SYT1: variants seen among roughly 807,000 people sequenced by gnomAD.
SYT1 encodes the protein synaptotagmin 1.
In SYT1, 8 loss-of-function variants were observed where a neutral mutation model predicts 44.8. That is an observed-to-expected ratio of 0.18 (90% CI 0.10 to 0.32). SYT1 has a LOEUF of 0.32. Ranked by LOEUF, SYT1 falls within the 10% of genes least tolerant of loss-of-function variation. The pLI is 1.00. For synonymous variants in SYT1, 154 were observed against 188.8 expected (o/e 0.82, Z 1.51); for missense variants, 286 against 509.3 (o/e 0.56, Z 4.22).
intron 1 of SYT1, among the ~76,000 whole-genome samples, chr12:78,911,948 A>C (rs936313085): frequency 6.6e-6 from 1 of 152,012 alleles, no homozygotes; most frequent in Non-Finnish European, 1.5e-5. Flanking sequence ...AATTTGTATT[A>C]ATAGAATCAT....
At chr12:79,383,474 G>C (rs1219453389) in intron 9 of SYT1, among the ~76,000 whole-genome samples, 1 of 152,080 alleles carries the variant, frequency 6.6e-6, no homozygotes, top group Non-Finnish European at 1.5e-5. Flanking sequence ...GGCAAAATAA[G>C]TTTATATAGT....
At chr12:79,230,867 T>G (rs1454243124) in intron 4 of SYT1, among the ~76,000 whole-genome samples, 1 of 152,226 alleles carries the variant, frequency 6.6e-6, no homozygotes, top group Non-Finnish European at 1.5e-5. Flanking sequence ...ATGAGGGGCT[T>G]GAACAAGATT....
chr12:79,023,032 T>C (rs1872297486), intron 2 of SYT1, among the ~76,000 whole-genome samples: 1 of 151,832 alleles, frequency 6.6e-6, no homozygotes. Context: ...TCATGAGTTA[T>C]GAATTGTCAC....
chr12:78,982,937 T>C (rs10506800), intron 2 of SYT1, among the ~76,000 whole-genome samples: 13,439 of 152,162 alleles, frequency 0.088, 762 homozygotes, highest in African/African-American at 0.15. Context: ...TCTTCAAACC[T>C]TCTTGTACAG....
In SYT1 at chr12:79,109,599, G is replaced by T. The variant is rs370675197; in HGVS notation, c.-18+62237G>T. 1.2e-4 allele frequency among the ~76,000 whole-genome samples: 19 copies of T among 152,248 alleles called. No homozygotes were observed. The South Asian group carries it at 3.9e-3, about 32-fold the overall frequency. ...CCCAAATGATGTACTATATGTGAAC[G>T]CACCCTGAATAGCAAATTCTATAAA... On this transcript the variant is annotated intron_variant, in intron 3 of 10. Coordinates refer to ENST00000261205, the MANE Select transcript of SYT1 (RefSeq NM_005639.3).
intron 3 of SYT1, among the ~76,000 whole-genome samples, chr12:79,167,481 T>C (rs935974166): frequency 2.0e-5 from 3 of 151,986 alleles, no homozygotes; most frequent in Admixed American, 1.3e-4. Flanking sequence ...ATGTAAATGT[T>C]TACTTCTATT....
intron 3 of SYT1, among the ~76,000 whole-genome samples, chr12:79,164,254 A>G (rs1173737006): frequency 3.3e-5 from 5 of 152,182 alleles, no homozygotes; most frequent in Admixed American, 1.3e-4. Flanking sequence ...ACTGCGGAGG[A>G]CCACTTAGCT....
chr12:79,357,170 A>G lies in SYT1; in HGVS notation c.928+3551A>G, dbSNP rs182542748. Among the ~76,000 whole-genome samples the G allele has an allele frequency of 3.1e-3, 470 of 152,356 alleles. 2 individuals carry two copies. The highest frequency in any genetic ancestry group is 0.011 in the African/African-American group (445 of 41,582). On this transcript the variant is annotated intron_variant, in intron 9 of 10. Transcript: ENST00000261205. ...AGTATTCATTCAAAATGCATTGCAC[A>G]AAGATTTGGCCTCTATTGTATATCC... is the stretch of plus-strand genomic sequence containing the variant.
In SYT1 at chr12:79,314,168, CAAAAAA is replaced by C. The variant is rs34951756; in HGVS notation, c.810+14637_810+14642del. ...TGGGCGACAGAGCGAGACTCCGTCT[CAAAAAA>C]AAAAAAAAAAAAAAAAAAATTAGCG... On this transcript the variant is annotated intron_variant, in intron 8 of 10. Coordinates refer to ENST00000261205, the MANE Select transcript of SYT1 (RefSeq NM_005639.3). Among the ~76,000 whole-genome samples the C allele has an allele frequency of 7.0e-3, 470 of 67,292 alleles. 2 individuals carry two copies. Among genetic ancestry groups the C allele is most frequent in the African/African-American group, 0.028 (448 of 15,918 alleles). The allele number at this position is 67,292 out of a possible 152,430, so 44.1% of individuals were successfully genotyped here. A position where few individuals can be genotyped will look rare whatever the true frequency, so the allele number is the denominator to read the frequency against.
intron 1 of SYT1, among the ~76,000 whole-genome samples, chr12:78,892,516 C>T (rs1450907510): frequency 1.3e-5 from 2 of 151,584 alleles, no homozygotes; most frequent in Middle Eastern, 3.2e-3. Flanking sequence ...GTTTCCCTTT[C>T]CCCACCTCTC....
intron 2 of SYT1, among the ~76,000 whole-genome samples, chr12:79,005,946 G>C (rs1166268422): frequency 6.6e-6 from 1 of 152,060 alleles, no homozygotes; most frequent in Admixed American, 6.6e-5. Context: ...TTGCCATTTG[G>C]ATAGGCGCTC....
At chr12:79,026,908 GT>G (rs772961473) in intron 2 of SYT1, among the ~76,000 whole-genome samples, 1 of 151,260 alleles carries the variant, frequency 6.6e-6, no homozygotes, top group Non-Finnish European at 1.5e-5. Flanking sequence ...GCGATAACAA[GT>G]GTTGGAAAGG....
rs1871341421 is a variant in SYT1 at position 79,168,574 on chromosome 12, G to A, written c.-17-48929G>A. Among the ~76,000 whole-genome samples the A allele has an allele frequency of 2.0e-5, 3 of 151,914 alleles. No homozygotes were observed. The South Asian group carries it at 6.2e-4, about 32-fold the overall frequency. On this transcript the variant is annotated intron_variant, in intron 3 of 10. Transcript: ENST00000261205. ...TTAAATTTTTCTGATATAGTCACTG[G>A]GAAGACAAAGGACAGAGTTTGTTAC...
At chr12:78,970,393 A>C (rs962416618) in intron 1 of SYT1, among the ~76,000 whole-genome samples, 1 of 152,194 alleles carries the variant, frequency 6.6e-6, no homozygotes, top group African/African-American at 2.4e-5. Flanking sequence ...GGGTAAAGAC[A>C]GTTGCCTAAA....
chr12:79,174,413 GA>G (rs34416754), intron 3 of SYT1, among the ~76,000 whole-genome samples: 99,496 of 151,856 alleles, frequency 0.66, 32,936 homozygotes, highest in Admixed American at 0.7. Context: ...TGTCCTTATA[GA>G]AAAAATAGGC....
intron 9 of SYT1, among the ~76,000 whole-genome samples, chr12:79,425,617 C>T (rs1869398660): frequency 1.3e-5 from 2 of 152,110 alleles, no homozygotes; most frequent in Admixed American, 1.3e-4. Context: ...CAATAAAAAT[C>T]TTAGTGTGAA....
At chr12:78,916,432 A>G (rs1228532201) in intron 1 of SYT1, among the ~76,000 whole-genome samples, 1 of 152,044 alleles carries the variant, frequency 6.6e-6, no homozygotes, top group Non-Finnish European at 1.5e-5. Context: ...ACTGAAACCA[A>G]TATTCCTTTG....
At chr12:78,933,618 C>T (rs1184840587) in intron 1 of SYT1, among the ~76,000 whole-genome samples, 3 of 150,270 alleles carry the variant, frequency 2.0e-5, no homozygotes, top group Non-Finnish European at 4.4e-5. Context: ...TATTAATAAC[C>T]ATCTCATTTA....
intron 1 of SYT1, chr12:78,955,530 G>T (rs978028912): frequency 6.6e-6 from 1 of 152,060 alleles, no homozygotes; most frequent in Non-Finnish European, 1.5e-5. Flanking sequence ...CATTCCTTAT[G>T]GTGGTAACTT....
Sources: allele counts gnomAD v4.1 joint callset (sites outside exome capture counted in the v4.1 genomes callset), GRCh38; gene constraint gnomAD v4.1.1; transcripts MANE v1.5; gene names NCBI Gene and HGNC (gene_info 2026-07-23, HGNC 2026-07-21).